Variants in TTC33 observed in about 807,000 individuals in gnomAD.
TTC33 encodes tetratricopeptide repeat protein 33.
Under a neutral mutation model 29.4 loss-of-function variants are expected in TTC33, and 24 were observed. The ratio of observed to expected loss-of-function variants is 0.82; its 90% CI spans 0.59 to 1.15. TTC33 has a LOEUF of 1.15. TTC33 is among the 50% of genes most tolerant of loss of function. TTC33 has a pLI of 0.00. For missense variants in TTC33, 286 were observed against 310.4 expected (o/e 0.92, Z 0.59); for synonymous variants, 107 against 100.3 (o/e 1.07, Z -0.40).
chr5:40,746,738 C>A, intron 2 of TTC33, 60 bp downstream of exon 2: 4 of 1,253,704 alleles, frequency 3.2e-6, no homozygotes, highest in Non-Finnish European at 4.5e-6. Context: ...CATCCCATTA[C>A]GGACAGTGAG....
intron 2 of TTC33, among the ~76,000 whole-genome samples, chr5:40,738,450 AATAC>A (rs1323459539): frequency 3.9e-4 from 25 of 64,360 alleles, no homozygotes; most frequent in African/African-American, 1.5e-3. Context: ...AATAAAATAC[AATAC>A]AATACAATAC....
Position 40,716,078 on chromosome 5 carries a change from T to C in TTC33, c.*67A>G, listed in dbSNP as rs1741989783. ...TTCTCCTATCTATCTCCAGAGTAAA[T>C]GTCTCTATGTCAAAACTTCAAGAGG... On this transcript the variant is annotated 3_prime_UTR_variant, in exon 5 of 5. Transcript: ENST00000337702. The C allele has an allele frequency of 1.5e-6, 2 of 1,317,692 alleles. No individual in the cohort carries two copies. The highest frequency in any genetic ancestry group is 2.1e-6 in the Non-Finnish European group (2 of 967,652). 81.6% of individuals were successfully genotyped at this position (1,317,692 alleles called of 1,614,324 possible). A position where few individuals can be genotyped will look rare whatever the true frequency, so the allele number is the denominator to read the frequency against.
At chr5:40,743,494 T>G (rs1742736382) in intron 2 of TTC33, among the ~76,000 whole-genome samples, 1 of 152,152 alleles carries the variant, frequency 6.6e-6, no homozygotes, top group East Asian at 1.9e-4. Flanking sequence ...ATTTTTTTGC[T>G]GGGCATGGTG....
At chr5:40,743,685 G>C (rs1742740470) in intron 2 of TTC33, among the ~76,000 whole-genome samples, 1 of 152,058 alleles carries the variant, frequency 6.6e-6, no homozygotes, top group African/African-American at 2.4e-5. Flanking sequence ...AGGCAGGGAG[G>C]ATTGCTTAAA....
chr5:40,718,667 G>A (rs1017931455), intron 4 of TTC33, among the ~76,000 whole-genome samples: 3 of 152,168 alleles, frequency 2.0e-5, no homozygotes, highest in Non-Finnish European at 4.4e-5. Context: ...GAACCCAGGA[G>A]GCAGAGGTTG....
At chr5:40,721,161 C>T (rs1181896136) in intron 4 of TTC33, among the ~76,000 whole-genome samples, 2 of 152,176 alleles carry the variant, frequency 1.3e-5, no homozygotes, top group Non-Finnish European at 2.9e-5. Context: ...GGACTGGCTT[C>T]TGTCTTACCT....
rs1741940068 is a variant in TTC33, at chr5:40,713,618, G to A, written c.*2527C>T. Among the ~76,000 whole-genome samples, 1 of 152,096 alleles carries A rather than the reference G, an allele frequency of 6.6e-6. No homozygotes were observed. Among genetic ancestry groups the A allele is most frequent in the Non-Finnish European group, 1.5e-5 (1 of 68,010 alleles). On this transcript the variant is annotated 3_prime_UTR_variant, in exon 5 of 5. Coordinates refer to ENST00000337702, the MANE Select transcript of TTC33 (RefSeq NM_012382.3). ...CCAAACAGCCTGTTTTCTAGAGAAT[G>A]ATATATGATTCTTGTGTTATCAGGC...
At chr5:40,738,766 T>A (rs550803675) in intron 2 of TTC33, among the ~76,000 whole-genome samples, 1 of 152,124 alleles carries the variant, frequency 6.6e-6, no homozygotes, top group South Asian at 2.1e-4. Flanking sequence ...AGTATCTCAT[T>A]GTGGTTTTAA....
chr5:40,712,532 T>C lies in TTC33; in HGVS notation c.*3613A>G, dbSNP rs892454266. Among the ~76,000 whole-genome samples the C allele has an allele frequency of 6.6e-6, 1 of 152,128 alleles. No homozygotes were observed. The highest frequency in any genetic ancestry group is 1.5e-5 in the Non-Finnish European group (1 of 68,010). ...AACAATAGCCACCAGATATTGAACT[T>C]AGAATTAGACAGACCTGCTTACTAA... On this transcript the variant is annotated 3_prime_UTR_variant, in exon 5 of 5. Transcript: ENST00000337702.
chr5:40,736,183 AATAC>A (rs1452962396), intron 2 of TTC33, among the ~76,000 whole-genome samples: 1 of 152,196 alleles, frequency 6.6e-6, no homozygotes, highest in Admixed American at 6.5e-5. Flanking sequence ...TATAGGCACA[AATAC>A]AGTAAGGTTG....
chr5:40,712,039 G>A lies in TTC33; in HGVS notation c.*4106C>T, dbSNP rs1034005280. ...TTGTCAAAACTCTCCCAACTATAAC[G>A]TTAAAATACTTGCATTTTATTATTT... On this transcript the variant is annotated 3_prime_UTR_variant, in exon 5 of 5. Transcript: ENST00000337702. 1.3e-5 allele frequency among the ~76,000 whole-genome samples: 2 copies of A among 152,034 alleles called. No homozygotes were observed. The highest frequency in any genetic ancestry group is 6.6e-5 in the Admixed American group (1 of 15,248).
rs116080432 is a variant in TTC33 at position 40,728,268 on chromosome 5, C to T, written c.435+77G>A. ...CACTGCACTGTACCCTGGGTGACAT[C>T]AAGACTCCATCTCAAAAAAAAAAAA... is the stretch of plus-strand genomic sequence containing the variant. On this transcript the variant is annotated intron_variant, in intron 4 of 4. Transcript: ENST00000337702. 934 of 494,412 alleles carry T rather than the reference C, an allele frequency of 1.9e-3. 9 individuals are homozygous for T. In the African/African-American group the frequency reaches 0.031, roughly 16 times the overall value. The allele number at this position is 494,412 out of a possible 1,614,324, so 30.6% of individuals were successfully genotyped here.
intron 4 of TTC33, among the ~76,000 whole-genome samples, chr5:40,719,268 G>T (rs1742075103): frequency 6.6e-6 from 1 of 152,098 alleles, no homozygotes. Flanking sequence ...ACTTGCTATT[G>T]CTATATATCT....
intron 3 of TTC33, among the ~76,000 whole-genome samples, chr5:40,729,329 G>T (rs191358557): frequency 7.6e-4 from 115 of 152,278 alleles, no homozygotes; most frequent in African/African-American, 2.6e-3. Context: ...ATATTTGTTA[G>T]GTGTGCAGAT....
chr5:40,719,856 C>G (rs1742088079), intron 4 of TTC33, among the ~76,000 whole-genome samples: 1 of 152,146 alleles, frequency 6.6e-6, no homozygotes, highest in South Asian at 2.1e-4. Context: ...AATACCTTTT[C>G]AAATCCTTTG....
chr5:40,722,076 C>T (rs529134866), intron 4 of TTC33, among the ~76,000 whole-genome samples: 1 of 152,182 alleles, frequency 6.6e-6, no homozygotes, highest in Non-Finnish European at 1.5e-5. Context: ...CATGAAATAT[C>T]ACCTCATGAG....
chr5:40,730,192 A>G, intron 3 of TTC33, 70 bp downstream of exon 3: 1 of 1,192,268 alleles, frequency 8.4e-7, no homozygotes. Context: ...ATTTTGCTTC[A>G]TCATTGCTCA....
At chr5:40,730,006 A>C (rs1742385714) in intron 3 of TTC33, among the ~76,000 whole-genome samples, 1 of 152,162 alleles carries the variant, frequency 6.6e-6, no homozygotes, top group Non-Finnish European at 1.5e-5. Context: ...CCCACCAGTG[A>C]CTTTAAAAGA....
intron 4 of TTC33, among the ~76,000 whole-genome samples, chr5:40,717,656 G>A (rs1462573140): frequency 6.6e-6 from 1 of 152,214 alleles, no homozygotes; most frequent in African/African-American, 2.4e-5. Context: ...TTCTCTGGGG[G>A]TAAAACTGCC....
Sources: gnomAD v4.1 joint callset for allele counts (sites outside exome capture counted in the v4.1 genomes callset) on GRCh38, gnomAD v4.1.1 for gene constraint, MANE v1.5 for transcripts, NCBI Gene and HGNC (gene_info 2026-07-23, HGNC 2026-07-21) for gene names.